KCNK5: variants seen among roughly 807,000 people sequenced by gnomAD.
KCNK5 encodes potassium two pore domain channel subfamily K member 5.
In KCNK5, 18 loss-of-function variants were observed where a neutral mutation model predicts 32.9. That is an observed-to-expected ratio of 0.55 (90% CI 0.38 to 0.81). The LOEUF is 0.81. Among genes scored for constraint, KCNK5 ranks in the 30% least tolerant of loss-of-function variants. KCNK5 has a pLI of 0.00. For synonymous variants in KCNK5, 276 were observed against 275.3 expected (o/e 1.00, Z -0.03); for missense variants, 507 against 651.0 (o/e 0.78, Z 2.41).
intron 1 of KCNK5, among the ~76,000 whole-genome samples, chr6:39,216,425 G>T (rs1302400160): frequency 6.6e-6 from 1 of 152,196 alleles, no homozygotes; most frequent in Non-Finnish European, 1.5e-5. Context: ...CACGCGCACG[G>T]GGCACTTCTT....
chr6:39,189,758 G>A lies in KCNK5; in HGVS notation c.*1132C>T. 1 of 152,656 alleles carries A rather than the reference G, an allele frequency of 6.6e-6. No individual in the cohort carries two copies. The highest frequency in any genetic ancestry group is 1.9e-4 in the East Asian group (1 of 5,178). The allele number at this position is 152,656 out of a possible 1,614,324, so 9.5% of individuals were successfully genotyped here. A position where few individuals can be genotyped will look rare whatever the true frequency, so the allele number is the denominator to read the frequency against. ...CACACACGAGTGCACAGGTGTGCGTGTGCACACACGCACTGTGCACACACA... is the reference window on the plus strand; with the variant it reads ...CACACACGAGTGCACAGGTGTGCGTATGCACACACGCACTGTGCACACACA... On this transcript the variant is annotated 3_prime_UTR_variant, in exon 5 of 5. Transcript: ENST00000359534.
chr6:39,213,763 G>C (rs2113792920), intron 1 of KCNK5, among the ~76,000 whole-genome samples: 1 of 152,286 alleles, frequency 6.6e-6, no homozygotes, highest in African/African-American at 2.4e-5. Flanking sequence ...GCTGAGGTGG[G>C]CGGATCATGA....
intron 2 of KCNK5, among the ~76,000 whole-genome samples, chr6:39,195,029 G>C (rs1771005121): frequency 6.6e-6 from 1 of 152,110 alleles, no homozygotes; most frequent in Non-Finnish European, 1.5e-5. Context: ...AGTCTATATG[G>C]TACCACTGTG....
chr6:39,221,267 C>T (rs1274018893), intron 1 of KCNK5, among the ~76,000 whole-genome samples: 3 of 152,158 alleles, frequency 2.0e-5, no homozygotes, highest in African/African-American at 4.8e-5. Context: ...CTGTGGCCCC[C>T]ACAGCCTGTG....
chr6:39,211,272 A>T (rs1036402901), intron 1 of KCNK5, among the ~76,000 whole-genome samples: 1 of 152,200 alleles, frequency 6.6e-6, no homozygotes, highest in East Asian at 1.9e-4. Context: ...TCAGAGATCA[A>T]TGAAAAAGGA....
chr6:39,199,354 C>T (rs923869213), intron 1 of KCNK5, among the ~76,000 whole-genome samples: 2 of 152,210 alleles, frequency 1.3e-5, no homozygotes, highest in Non-Finnish European at 2.9e-5. Flanking sequence ...GGGCTTTCTA[C>T]CCTTCACCCC....
At chr6:39,199,021 A>T (rs1771079719) in intron 1 of KCNK5, among the ~76,000 whole-genome samples, 2 of 152,186 alleles carry the variant, frequency 1.3e-5, no homozygotes, top group Admixed American at 6.5e-5. Flanking sequence ...TGTTGCATGT[A>T]CCAGGCACTG....
intron 4 of KCNK5, among the ~76,000 whole-genome samples, chr6:39,192,031 C>T (rs1017475353): frequency 1.3e-5 from 2 of 152,094 alleles, no homozygotes; most frequent in African/African-American, 4.8e-5. Flanking sequence ...TGGTGGCTCA[C>T]GTCTGCAATC....
At chr6:39,197,544 G>C (rs1180474156) in intron 1 of KCNK5, among the ~76,000 whole-genome samples, 2 of 152,234 alleles carry the variant, frequency 1.3e-5, no homozygotes, top group African/African-American at 2.4e-5. Context: ...TAGCTGGCCA[G>C]ACCATTTCAA....
chr6:39,210,077 C>T (rs2815113), intron 1 of KCNK5, among the ~76,000 whole-genome samples: 44,065 of 151,986 alleles, frequency 0.29, 6,705 homozygotes, highest in East Asian at 0.52. Context: ...AAGTAATGTG[C>T]CAGGTTTCTA....
intron 1 of KCNK5, among the ~76,000 whole-genome samples, chr6:39,219,641 T>G (rs1172891649): frequency 6.6e-6 from 1 of 152,188 alleles, no homozygotes; most frequent in African/African-American, 2.4e-5. Context: ...GCACCTGGCT[T>G]CATTCACTCT....
rs748478186 is a variant in KCNK5 at position 39,229,232 on chromosome 6, G to A, written c.-121C>T. On this transcript the variant is annotated 5_prime_UTR_variant, in exon 1 of 5. Coordinates refer to ENST00000359534, the MANE Select transcript of KCNK5 (RefSeq NM_003740.4). ...TTGGAGCTCCGCATGCGCAGTGCCC[G>A]GTACTCACCCCCCGCAAGCACCGCT... 6.1e-6 allele frequency: 6 copies of A among 977,480 alleles called. No homozygotes were observed. Among genetic ancestry groups the A allele is most frequent in the Non-Finnish European group, 9.0e-6 (6 of 668,922 alleles). The allele number at this position is 977,480 out of a possible 1,614,324, so 60.6% of individuals were successfully genotyped here. A position where few individuals can be genotyped will look rare whatever the true frequency, so the allele number is the denominator to read the frequency against.
rs775420478 is a variant in KCNK5 at position 39,194,762 on chromosome 6, TG to T, written c.299-3del. The T allele has an allele frequency of 3.7e-6, 6 of 1,613,442 alleles. No individual in the cohort carries two copies. The Admixed American group carries it at 1.0e-4, about 27-fold the overall frequency. On this transcript the variant is annotated splice_region_variant and splice_polypyrimidine_tract_variant and intron_variant, in intron 2 of 4. Coordinates refer to ENST00000359534, the MANE Select transcript of KCNK5 (RefSeq NM_003740.4). The surrounding 1 kb of genome is among the most constrained non-coding windows in gnomAD (Gnocchi z 4.7). The stretch of plus-strand genomic sequence containing the variant: ...TCTTGGGAGCCACATTGCCATATCC[TG>T]AGGAAGGAGAGAGTGAGGCCAAGAA...
intron 1 of KCNK5, among the ~76,000 whole-genome samples, chr6:39,196,348 T>C (rs1771030844): frequency 6.6e-6 from 1 of 152,126 alleles, no homozygotes; most frequent in Admixed American, 6.5e-5. Context: ...CTAAACATGT[T>C]CCCAGGTGAT....
Position 39,194,011 on chromosome 6 carries a change from T to C in KCNK5, c.634+158A>G, listed in dbSNP as rs1053399299. Reference sequence around the variant, plus strand: ...AGTTTTTTGTCATTACTCTGGGTCTTAGTTTCCTCTTGCAAATGGCAGAGT... The same window carrying C: ...AGTTTTTTGTCATTACTCTGGGTCTCAGTTTCCTCTTGCAAATGGCAGAGT... On this transcript the variant is annotated intron_variant, in intron 4 of 4. Transcript: ENST00000359534. This position sits in a 1 kb window ranked among gnomAD's most constrained non-coding sequence, Gnocchi z 4.7. Among the ~76,000 whole-genome samples, 1 of 152,208 alleles carries C rather than the reference T, an allele frequency of 6.6e-6. No individual in the cohort carries two copies. The highest frequency in any genetic ancestry group is 1.5e-5 in the Non-Finnish European group (1 of 68,024).
chr6:39,221,179 C>T (rs532038271), intron 1 of KCNK5, among the ~76,000 whole-genome samples: 51 of 152,272 alleles, frequency 3.3e-4, no homozygotes, highest in African/African-American at 1.1e-3. Context: ...ACTGTGAGGT[C>T]GAGCTGATCA....
chr6:39,218,981 A>C (rs889006895), intron 1 of KCNK5, among the ~76,000 whole-genome samples: 26 of 152,312 alleles, frequency 1.7e-4, no homozygotes, highest in African/African-American at 5.8e-4. Context: ...CTCTTGCAGC[A>C]GTCCTTGAAC....
chr6:39,217,001 A>G (rs1414213498), intron 1 of KCNK5, among the ~76,000 whole-genome samples: 2 of 151,490 alleles, frequency 1.3e-5, no homozygotes, highest in Admixed American at 1.3e-4. Flanking sequence ...CATGCCTGTA[A>G]TCCCAGCTAC....
rs376530020 is a variant in KCNK5, at chr6:39,194,751, T to C, written c.308A>G (p.Asn103Ser). 205 of 1,613,928 alleles carry C rather than the reference T, an allele frequency of 1.3e-4. No individual in the cohort carries two copies. Among genetic ancestry groups the C allele is most frequent in the African/African-American group, 2.1e-4 (16 of 75,018 alleles). Residue 103 changes from asparagine to serine, a missense_variant, in exon 3 of 5, where the codon AAT becomes AGT. Asn to Ser is a conservative substitution (Grantham distance 46, BLOSUM62 1). Transcript: ENST00000359534. The surrounding 1 kb of genome is among the most constrained non-coding windows in gnomAD (Gnocchi z 4.7). ...ACCGGCGGGGGTCTTGGGAGCCACA[T>C]TGCCATATCCTGAGGAAGGAGAGAG... ...ATVITTIGYG[N>S]VAPKTPAGRL...
Sources: gnomAD v4.1 joint callset for allele counts (sites outside exome capture counted in the v4.1 genomes callset) on GRCh38, gnomAD v4.1.1 for gene constraint, Gnocchi (gnomAD v3.1) non-coding constraint, MANE v1.5 for transcripts, NCBI Gene and HGNC (gene_info 2026-07-23, HGNC 2026-07-21) for gene names.